TUBGCP3: variants seen among roughly 807,000 people sequenced by gnomAD.
The protein encoded by TUBGCP3 is tubulin gamma complex component 3, also known as gamma-tubulin complex component 3.
A neutral mutation model predicts 123.1 loss-of-function variants in TUBGCP3; 50 were observed. The ratio of observed to expected loss-of-function variants is 0.41; its 90% confidence interval spans 0.32 to 0.51. The LOEUF is 0.51. Among genes scored for constraint, TUBGCP3 ranks in the 20% least tolerant of loss-of-function variants. The pLI, the probability that TUBGCP3 is intolerant of heterozygous loss-of-function variation, is 0.36. For missense variants in TUBGCP3, 882 were observed against 1,127.0 expected, an observed-to-expected ratio of 0.78 and a Z score of 3.11; for synonymous variants, 405 against 413.9, an observed-to-expected ratio of 0.98 and a Z score of 0.26.
chr13:112,555,741 C>T (rs982067978), intron 6 of TUBGCP3, among the ~76,000 whole-genome samples: 10 of 152,126 alleles, frequency 6.6e-5, no homozygotes, highest in African/African-American at 2.2e-4. Flanking sequence ...CCCAGGGAAA[C>T]GGCAGGATGA....
chr13:112,544,335 C>T (rs1878803408), intron 11 of TUBGCP3, among the ~76,000 whole-genome samples: 1 of 151,508 alleles, frequency 6.6e-6, no homozygotes, highest in African/African-American at 2.4e-5. Context: ...ACCTGTAGTC[C>T]CAAGCTACCT....
chr13:112,501,444 G>A (rs916217605), intron 19 of TUBGCP3, among the ~76,000 whole-genome samples: 3 of 152,274 alleles, frequency 2.0e-5, no homozygotes, highest in African/African-American at 7.2e-5. Flanking sequence ...ACCTGCAGGA[G>A]GCCATTCTTT....
At chr13:112,497,512 A>G (rs750067916) in intron 20 of TUBGCP3, among the ~76,000 whole-genome samples, 12 of 152,274 alleles carry the variant, frequency 7.9e-5, no homozygotes, top group Non-Finnish European at 1.6e-4. Flanking sequence ...CTCAAAAGTA[A>G]AACTAACCAA....
chr13:112,551,473 G>A (rs544785682), intron 8 of TUBGCP3, among the ~76,000 whole-genome samples: 7 of 152,248 alleles, frequency 4.6e-5, no homozygotes, highest in African/African-American at 9.6e-5. Context: ...TAGGGCACAC[G>A]GTCACCCCAC....
chr13:112,493,877 C>CACTTCCAT (rs1880331354), intron 20 of TUBGCP3, among the ~76,000 whole-genome samples: 1 of 150,218 alleles, frequency 6.7e-6, no homozygotes. Context: ...GCCTGAGACA[C>CACTTCCAT]TCTGGCTATA....
At position 112,554,080 on chromosome 13, in the gene TUBGCP3, G is replaced by C. The variant is rs142891996; in HGVS notation, c.943C>G (p.Arg315Gly). ...ACCTGCCCGACGAGTCCGAATGAGC[G>C]GTCCAGGCTCCTCTGGTCCGTGTAT... ...RRYTDQRSLD[R>G]SFGLVGQSFC... Residue 315 changes from arginine (R) to glycine (G), a missense_variant, in exon 8 of 22, where the codon CGC becomes GGC. Arg to Gly is a moderately radical substitution (Grantham distance 125). Coordinates refer to ENST00000261965, the MANE Select transcript of TUBGCP3 (RefSeq NM_006322.6). The C allele has an allele frequency of 5.6e-6, 9 of 1,613,154 alleles. No homozygotes were observed. Among genetic ancestry groups the C allele is most frequent in the Non-Finnish European group, 7.6e-6 (9 of 1,179,750 alleles).
At chr13:112,561,463 A>C (rs561193830) in intron 3 of TUBGCP3, among the ~76,000 whole-genome samples, 1 of 152,358 alleles carries the variant, frequency 6.6e-6, no homozygotes, top group African/African-American at 2.4e-5. Context: ...ACAGAGCTAC[A>C]TGCAGGGTTC....
Position 112,536,988 on chromosome 13 carries a change from C to T in TUBGCP3, c.1335+8711G>A, listed in dbSNP as rs112379643. ...GGAAGGTCTTGCTATGTTGCCCAGACTGGTCTCAAACTCTGACCGCAAGCC... is the reference window on the plus strand; with the variant it reads ...GGAAGGTCTTGCTATGTTGCCCAGATTGGTCTCAAACTCTGACCGCAAGCC... On this transcript the variant is annotated intron_variant, in intron 11 of 21. Coordinates refer to ENST00000261965, the MANE Select transcript of TUBGCP3 (RefSeq NM_006322.6). 9.4e-3 allele frequency among the ~76,000 whole-genome samples: 1,425 copies of T among 152,160 alleles called. 22 individuals are homozygous for T. Among genetic ancestry groups the T allele is most frequent in the African/African-American group, 0.032 (1,340 of 41,492 alleles).
chr13:112,545,781 A>T lies in TUBGCP3; in HGVS notation c.1253T>A (p.Ile418Asn), dbSNP rs1313047130. 1 of 1,614,202 alleles carries T rather than the reference A, an allele frequency of 6.2e-7. No individual in the cohort carries two copies. ...AACAGGATGAGACACGAGGCTGAGGATGTGCTGCACCAGAGACCGCATGTA... is the reference window on the plus strand; with the variant it reads ...AACAGGATGAGACACGAGGCTGAGGTTGTGCTGCACCAGAGACCGCATGTA... ...DPYMRSLVQH[I>N]LSLVSHPVLS... Residue 418 changes from isoleucine (I) to asparagine (N), a missense_variant, in exon 11 of 22, where the codon ATC becomes AAC. Ile to Asn is a moderately radical substitution (Grantham distance 149). Transcript: ENST00000261965. The surrounding 1 kb of genome is among the most constrained non-coding windows in gnomAD (Gnocchi z 4.1).
intron 6 of TUBGCP3, among the ~76,000 whole-genome samples, chr13:112,555,846 G>A (rs1879980083): frequency 6.6e-6 from 1 of 152,134 alleles, no homozygotes; most frequent in Non-Finnish European, 1.5e-5. Flanking sequence ...AGACTGTGCT[G>A]GGAGGAAAAA....
Position 112,491,130 on chromosome 13 carries a change from T to C in TUBGCP3, c.2449-1433A>G, listed in dbSNP as rs865949960. ...CAGCTCTTGGACTTTATTAACTTCTTTGTTTCCGATTCACTGATTTTCGCT... is the reference window on the plus strand; with the variant it reads ...CAGCTCTTGGACTTTATTAACTTCTCTGTTTCCGATTCACTGATTTTCGCT... On this transcript the variant is annotated intron_variant, in intron 20 of 21. Coordinates refer to ENST00000261965, the MANE Select transcript of TUBGCP3 (RefSeq NM_006322.6). Among the ~76,000 whole-genome samples the C allele has an allele frequency of 2.9e-4, 44 of 152,334 alleles. No individual in the cohort carries two copies. In the Middle Eastern group the frequency reaches 0.02, roughly 71 times the overall value.
At chr13:112,531,610 G>T (rs1189409429) in intron 11 of TUBGCP3, among the ~76,000 whole-genome samples, 1 of 152,114 alleles carries the variant, frequency 6.6e-6, no homozygotes, top group African/African-American at 2.4e-5. Flanking sequence ...AGTACAGCCG[G>T]ATTTTTATCA....
In TUBGCP3 at chr13:112,547,637, A is replaced by G. The variant is rs1487781843; in HGVS notation, c.1151T>C (p.Leu384Pro). The change falls in exon 10 of 22, where the codon CTA becomes CCA. Residue 384 changes from leucine (L) to proline (P), a missense_variant. By Grantham distance (98) the Leu-to-Pro change is moderately conservative. Transcript: ENST00000261965. ...PKIRLKTLAA[L>P]VDHCQGRKGG... ...CGTGGGACCTTGGCAGTGGTCCACT[A>G]GGGCCGCAAGGGTCTTCAGTCGTAT... 1.3e-6 allele frequency: 2 copies of G among 1,555,154 alleles called. No individual in the cohort carries two copies.
chr13:112,488,809 G>A (rs1182004043), intron 21 of TUBGCP3, among the ~76,000 whole-genome samples: 2 of 134,272 alleles, frequency 1.5e-5, no homozygotes, highest in African/African-American at 5.8e-5. Flanking sequence ...GGAGCAAAGG[G>A]GTCACCCCCA....
At chr13:112,563,173 T>C (rs1880657359) in intron 3 of TUBGCP3, among the ~76,000 whole-genome samples, 1 of 152,212 alleles carries the variant, frequency 6.6e-6, no homozygotes, top group Non-Finnish European at 1.5e-5. Flanking sequence ...TCCGGACTCC[T>C]TCCTCTAGGT....
At chr13:112,520,484 G>A (rs768501818) in intron 14 of TUBGCP3, among the ~76,000 whole-genome samples, 7 of 152,072 alleles carry the variant, frequency 4.6e-5, no homozygotes, top group Non-Finnish European at 7.4e-5. Flanking sequence ...AGCCAAGATC[G>A]TGCCACTACA....
intron 17 of TUBGCP3, among the ~76,000 whole-genome samples, chr13:112,504,919 C>T (rs112098386): frequency 4.9e-4 from 75 of 152,116 alleles, no homozygotes; most frequent in African/African-American, 1.6e-3. Flanking sequence ...CCAAGTAGTA[C>T]TATACTACTT....
At chr13:112,535,876 T>C (rs1878006142) in intron 11 of TUBGCP3, among the ~76,000 whole-genome samples, 2 of 152,222 alleles carry the variant, frequency 1.3e-5, no homozygotes, top group Admixed American at 6.5e-5. Flanking sequence ...CACTATATCT[T>C]CTTCTAAGTT....
At chr13:112,583,525 C>T (rs1882410084) in intron 1 of TUBGCP3, among the ~76,000 whole-genome samples, 1 of 152,162 alleles carries the variant, frequency 6.6e-6, no homozygotes, top group African/African-American at 2.4e-5. Context: ...TGGATGTGGG[C>T]CCAAGAGCTT....
Sources: gnomAD v4.1 joint callset for allele counts (sites outside exome capture counted in the v4.1 genomes callset) on GRCh38, gnomAD v4.1.1 for gene constraint, Gnocchi (gnomAD v3.1) non-coding constraint, MANE v1.5 for transcripts, NCBI Gene and HGNC (gene_info 2026-07-23, HGNC 2026-07-21) for gene names.